Variants in VPS16 observed in about 807,000 individuals in gnomAD.
VPS16 encodes the protein VPS16 core subunit of CORVET and HOPS complexes, also known as vacuolar protein sorting-associated protein 16 homolog.
In VPS16, 82 loss-of-function variants were observed where a neutral mutation model predicts 116.0. The ratio of observed to expected loss-of-function variants is 0.71; its 90% CI spans 0.59 to 0.85. The LOEUF is 0.85. Ranked by LOEUF, VPS16 falls within the 40% of genes least tolerant of loss-of-function variation. The pLI, the probability that VPS16 is intolerant of heterozygous loss-of-function variation, is 0.00. For synonymous variants in VPS16, 406 were observed against 420.7 expected (o/e 0.96, Z 0.43); for missense variants, 928 against 1,090.6 (o/e 0.85, Z 2.10).
At position 2,854,701 on chromosome 20, in the gene VPS16, C is replaced by A. The variant is rs1216839989; in HGVS notation, c.54-5018C>A. 8.0e-5 allele frequency among the ~76,000 whole-genome samples: 12 copies of A among 149,384 alleles called. No individual in the cohort carries two copies. The Admixed American group carries it at 8.1e-4, about 10-fold the overall frequency. Reference sequence around the variant, plus strand: ...GTCCCAGCTACTCAGGAGGCCGAGGCAGGATAATTGCTTGAACCCGGGAGG... The same window carrying A: ...GTCCCAGCTACTCAGGAGGCCGAGGAAGGATAATTGCTTGAACCCGGGAGG... On this transcript the variant is annotated intron_variant, in intron 1 of 23. Transcript: ENST00000380445.
At position 2,863,359 on chromosome 20, in the gene VPS16, G is replaced by A; in HGVS notation, c.1437G>A (p.Gln479=). 1 of 1,614,218 alleles carries A rather than the reference G, an allele frequency of 6.2e-7. No individual in the cohort carries two copies. Residue 479 remains glutamine (Q), a synonymous_variant, in exon 15 of 24, where the codon CAG becomes CAA. Coordinates refer to ENST00000380445, the MANE Select transcript of VPS16 (RefSeq NM_022575.4). The surrounding 1 kb of genome is among the most constrained non-coding windows in gnomAD (Gnocchi z 4.4). ...AGTACTTGCGCCTTCCTGAAGTACA[G>A]GGCGTCAGCAGGATCCTGGCCCACT... ...ICEYLRLPEV[Q]GVSRILAHWA...
chr20:2,849,900 CAG>C (rs1441748364), intron 1 of VPS16, among the ~76,000 whole-genome samples: 1 of 152,240 alleles, frequency 6.6e-6, no homozygotes, highest in African/African-American at 2.4e-5. Flanking sequence ...TTTCCATTGA[CAG>C]AGCTCAACAC....
chr20:2,852,878 A>C lies in VPS16; in HGVS notation c.54-6841A>C, dbSNP rs185854014. Among the ~76,000 whole-genome samples the C allele has an allele frequency of 2.3e-4, 35 of 152,300 alleles. No homozygotes were observed. The East Asian group carries it at 5.6e-3, about 24-fold the overall frequency. Reference sequence around the variant, plus strand: ...TAGGGTGGCTATCATAATTTCTTAAAACAACAATGAAGTTGCCACAACAGT... The same window carrying C: ...TAGGGTGGCTATCATAATTTCTTAACACAACAATGAAGTTGCCACAACAGT... On this transcript the variant is annotated intron_variant, in intron 1 of 23. Transcript: ENST00000380445.
chr20:2,863,296 G>T lies in VPS16; in HGVS notation c.1374G>T (p.Val458=), dbSNP rs760739059. ...TACCCACCGGGTCTACCAGGCTCGT[G>T]TTGCGGAGACTTTACCCCCTGGCCA... ...LTIQVLLDRL[V]LRRLYPLAIQ... Residue 458 remains valine, a synonymous_variant, in exon 15 of 24, where the codon GTG becomes GTT. Transcript: ENST00000380445. This position sits in a 1 kb window ranked among gnomAD's most constrained non-coding sequence, Gnocchi z 4.4. 23 of 1,614,058 alleles carry T rather than the reference G, an allele frequency of 1.4e-5. 1 individual carries two copies. In the Admixed American group the frequency reaches 3.7e-4, roughly 26 times the overall value.
rs368664963 is a variant in VPS16, at chr20:2,860,394, C to T, written c.369+27C>T. On this transcript the variant is annotated intron_variant, in intron 4 of 23. Transcript: ENST00000380445. This position sits in a 1 kb window ranked among gnomAD's most constrained non-coding sequence, Gnocchi z 6.1. ...TAGGGGTCACAGAGGGCTGGGGACGCGGGGTAGAGTTTATGACCCTGTGGC... is the reference window on the plus strand; with the variant it reads ...TAGGGGTCACAGAGGGCTGGGGACGTGGGGTAGAGTTTATGACCCTGTGGC... 1.5e-4 allele frequency: 241 copies of T among 1,613,912 alleles called. No individual in the cohort carries two copies. Among genetic ancestry groups the T allele is most frequent in the Middle Eastern group, 6.6e-4 (4 of 6,084 alleles).
In VPS16 at chr20:2,864,308, C is replaced by G; in HGVS notation, c.1720+21C>G. 6.2e-7 allele frequency: 1 copy of G among 1,613,928 alleles called. No individual in the cohort carries two copies. The highest frequency in any genetic ancestry group is 8.5e-7 in the Non-Finnish European group (1 of 1,179,912). On this transcript the variant is annotated intron_variant, in intron 17 of 23. Transcript: ENST00000380445. The surrounding 1 kb of genome is among the most constrained non-coding windows in gnomAD (Gnocchi z 5.2). ...CCTGGGTGAGGGCAAGGCTGGGGGG[C>G]CCCTGGGCTAAGTGGGAGCCTGGCT...
At position 2,863,173 on chromosome 20, in the gene VPS16, T is replaced by C. The variant is rs1185793110; in HGVS notation, c.1367+73T>C. On this transcript the variant is annotated intron_variant, in intron 14 of 23. Coordinates refer to ENST00000380445, the MANE Select transcript of VPS16 (RefSeq NM_022575.4). This position sits in a 1 kb window ranked among gnomAD's most constrained non-coding sequence, Gnocchi z 4.4. ...CATTACAGCCTTGGGTGGGGTCTTATGGTCACTGCTCCTGACCTATCTAGG... is the reference window on the plus strand; with the variant it reads ...CATTACAGCCTTGGGTGGGGTCTTACGGTCACTGCTCCTGACCTATCTAGG... The C allele has an allele frequency of 1.9e-6, 3 of 1,612,416 alleles. No homozygotes were observed. Among genetic ancestry groups the C allele is most frequent in the Non-Finnish European group, 1.7e-6 (2 of 1,179,028 alleles).
chr20:2,848,514 A>T (rs966366756), intron 1 of VPS16, among the ~76,000 whole-genome samples: 1 of 152,230 alleles, frequency 6.6e-6, no homozygotes, highest in African/African-American at 2.4e-5. Context: ...AACACCATAT[A>T]ATCATCTCTG....
intron 1 of VPS16, 116 bp downstream of exon 1, chr20:2,840,943 G>C: frequency 9.6e-7 from 1 of 1,047,032 alleles, no homozygotes; most frequent in Non-Finnish European, 1.4e-6. Context: ...CCCCGCGCCG[G>C]CTCTCCCCGA....
In VPS16 at chr20:2,866,598, G is replaced by A. The variant is rs1207251023; in HGVS notation, c.*24G>A. ...GAGGAGTCCATCCTGTACATCTCAA[G>A]CAAGGGGTTCCTCCCCTAGCACCTG... On this transcript the variant is annotated 3_prime_UTR_variant, in exon 24 of 24. Transcript: ENST00000380445. 1 of 1,612,714 alleles carries A rather than the reference G, an allele frequency of 6.2e-7. No homozygotes were observed. The highest frequency in any genetic ancestry group is 1.7e-5 in the Admixed American group (1 of 59,956).
At chr20:2,850,041 G>A (rs2089102156) in intron 1 of VPS16, among the ~76,000 whole-genome samples, 1 of 152,174 alleles carries the variant, frequency 6.6e-6, no homozygotes. Flanking sequence ...AGAATTATTG[G>A]CCTGGTGTGG....
At chr20:2,844,224 T>C (rs1348045343) in intron 1 of VPS16, among the ~76,000 whole-genome samples, 1 of 152,242 alleles carries the variant, frequency 6.6e-6, no homozygotes, top group Non-Finnish European at 1.5e-5. Context: ...CTTAGTTTTG[T>C]TCATATGTGT....
rs749085509 is a variant in VPS16 at position 2,863,285 on chromosome 20, A to G, written c.1368-5A>G. Reference sequence around the variant, plus strand: ...CTTGTATCCTTTACCCACCGGGTCTACCAGGCTCGTGTTGCGGAGACTTTA... The same window carrying G: ...CTTGTATCCTTTACCCACCGGGTCTGCCAGGCTCGTGTTGCGGAGACTTTA... On this transcript the variant is annotated splice_region_variant and splice_polypyrimidine_tract_variant and intron_variant, in intron 14 of 23. Coordinates refer to ENST00000380445, the MANE Select transcript of VPS16 (RefSeq NM_022575.4). This position sits in a 1 kb window ranked among gnomAD's most constrained non-coding sequence, Gnocchi z 4.4. 4 of 1,614,120 alleles carry G rather than the reference A, an allele frequency of 2.5e-6. No individual in the cohort carries two copies. The highest frequency in any genetic ancestry group is 3.4e-6 in the Non-Finnish European group (4 of 1,180,012).
intron 8 of VPS16, 129 bp downstream of exon 8, chr20:2,861,409 T>C: frequency 6.8e-7 from 1 of 1,463,638 alleles, no homozygotes; most frequent in African/African-American, 1.4e-5. Context: ...TTCTCTGCCA[T>C]TGCACACTTG....
rs2089331050 is a variant in VPS16, at chr20:2,865,836, T to A, written c.2271+341T>A. 3 of 457,982 alleles carry A rather than the reference T, an allele frequency of 6.6e-6. No homozygotes were observed. The South Asian group carries it at 7.3e-5, about 11-fold the overall frequency. 28.4% of individuals were successfully genotyped at this position (457,982 alleles called of 1,614,324 possible). A position where few individuals can be genotyped will look rare whatever the true frequency, so the allele number is the denominator to read the frequency against. On this transcript the variant is annotated intron_variant, in intron 22 of 23. Transcript: ENST00000380445. This position sits in a 1 kb window ranked among gnomAD's most constrained non-coding sequence, Gnocchi z 5.2. ...TGCATATGGGAGGCAGTGGAGATAC[T>A]GAGGGCTGTTTTCTGTGGTGGGTAG...
At chr20:2,840,853 C>T (rs927573465) in intron 1 of VPS16, 26 bp downstream of exon 1, 1 of 1,542,234 alleles carries the variant, frequency 6.5e-7, no homozygotes, top group Non-Finnish European at 8.7e-7. Flanking sequence ...CTCCCGCCCA[C>T]GGCCTGGCTT....
At chr20:2,842,021 C>T (rs1219552342) in intron 1 of VPS16, among the ~76,000 whole-genome samples, 1 of 152,178 alleles carries the variant, frequency 6.6e-6, no homozygotes, top group Non-Finnish European at 1.5e-5. Context: ...TCCCAAAGTA[C>T]TGGGATTACA....
At position 2,864,144 on chromosome 20, in the gene VPS16, C is replaced by G; in HGVS notation, c.1612-35C>G. 1 of 1,613,966 alleles carries G rather than the reference C, an allele frequency of 6.2e-7. No homozygotes were observed. Among genetic ancestry groups the G allele is most frequent in the Middle Eastern group, 1.6e-4 (1 of 6,062 alleles). On this transcript the variant is annotated intron_variant, in intron 16 of 23. Coordinates refer to ENST00000380445, the MANE Select transcript of VPS16 (RefSeq NM_022575.4). The surrounding 1 kb of genome is among the most constrained non-coding windows in gnomAD (Gnocchi z 5.2). ...TGGTTGTTCAGGGCCCCCATGCCAG[C>G]TCCTTCTCTCTGTGCCTTCCTTCTC...
chr20:2,860,819 G>A lies in VPS16; in HGVS notation c.586G>A (p.Gly196Arg), dbSNP rs746814732. The part of the protein sequence containing the change: ...DRVAHILLAV[G>R]PDLYLLDHAA... ...AGTGGCACACATTCTTCTGGCTGTG[G>A]GGCCTGACCTTTACCTCTTGGACCA... is the stretch of plus-strand genomic sequence containing the variant. Residue 196 changes from glycine to arginine, a missense_variant, in exon 6 of 24, where the codon GGG becomes AGG. Coordinates refer to ENST00000380445, the MANE Select transcript of VPS16 (RefSeq NM_022575.4). This position sits in a 1 kb window ranked among gnomAD's most constrained non-coding sequence, Gnocchi z 6.1. The A allele has an allele frequency of 6.2e-7, 1 of 1,614,118 alleles. No homozygotes were observed. Among genetic ancestry groups the A allele is most frequent in the Non-Finnish European group, 8.5e-7 (1 of 1,180,034 alleles).
Sources: gnomAD v4.1 joint callset for allele counts (sites outside exome capture counted in the v4.1 genomes callset) on GRCh38, gnomAD v4.1.1 for gene constraint, Gnocchi (gnomAD v3.1) non-coding constraint, MANE v1.5 for transcripts, NCBI Gene and HGNC (gene_info 2026-07-23, HGNC 2026-07-21) for gene names.